ERC2: variants seen among roughly 807,000 people sequenced by gnomAD.
ERC2 encodes ERC protein 2.
A neutral mutation model predicts 114.8 loss-of-function variants in ERC2; 42 were observed. That is an observed-to-expected ratio of 0.37 (90% CI 0.29 to 0.47). The LOEUF (loss-of-function observed/expected upper bound fraction) is 0.47. Ranked by LOEUF, ERC2 falls within the 20% of genes least tolerant of loss-of-function variation. The pLI, the probability that ERC2 is intolerant of heterozygous loss-of-function variation, is 0.99. For synonymous variants in ERC2, 454 were observed against 425.5 expected (o/e 1.07, Z -0.82); for missense variants, 939 against 1,150.7 (o/e 0.82, Z 2.66).
At chr3:55,912,403 T>C (rs1393494969) in intron 13 of ERC2, among the ~76,000 whole-genome samples, 1 of 152,176 alleles carries the variant, frequency 6.6e-6, no homozygotes, top group Non-Finnish European at 1.5e-5. Flanking sequence ...CTGAAATAGT[T>C]TAAAAATGAA....
At chr3:56,339,508 G>A (rs1313195058) in intron 2 of ERC2, among the ~76,000 whole-genome samples, 2 of 152,098 alleles carry the variant, frequency 1.3e-5, no homozygotes, top group Non-Finnish European at 2.9e-5. Flanking sequence ...GAGCTGAGAG[G>A]CACTTAAAGG....
intron 2 of ERC2, among the ~76,000 whole-genome samples, chr3:56,325,089 T>G (rs2057296884): frequency 6.6e-6 from 1 of 151,968 alleles, no homozygotes. Flanking sequence ...CTTTAATTTG[T>G]GTGTCTATCT....
At position 55,518,133 on chromosome 3, in the gene ERC2, A is replaced by G. The variant is rs1271026778; in HGVS notation, c.*40-6857T>C. ...CCAGTCATGCAATCAAAAATGTCTC[A>G]GGACATGGCCAAATATCCCTGGGAG... On this transcript the variant is annotated intron_variant, in intron 17 of 17. Coordinates refer to ENST00000288221, the MANE Select transcript of ERC2 (RefSeq NM_015576.3). Among the ~76,000 whole-genome samples, 5 of 152,106 alleles carry G rather than the reference A, an allele frequency of 3.3e-5. No individual in the cohort carries two copies. In the South Asian group the frequency reaches 6.2e-4, roughly 19 times the overall value.
chr3:56,013,444 C>G (rs2073095868), intron 8 of ERC2, among the ~76,000 whole-genome samples: 1 of 152,178 alleles, frequency 6.6e-6, no homozygotes, highest in Non-Finnish European at 1.5e-5. Context: ...GCCAAAAGCA[C>G]AAAGATCTTT....
At chr3:56,120,228 G>A (rs1353655046) in intron 6 of ERC2, among the ~76,000 whole-genome samples, 1 of 152,130 alleles carries the variant, frequency 6.6e-6, no homozygotes, top group Non-Finnish European at 1.5e-5. Context: ...GGTTCCTAAG[G>A]GGAAGCATCA....
intron 2 of ERC2, among the ~76,000 whole-genome samples, chr3:56,396,969 C>A (rs773558018): frequency 6.6e-6 from 1 of 152,128 alleles, no homozygotes; most frequent in African/African-American, 2.4e-5. Flanking sequence ...TACCTCAAGC[C>A]ACTGAAGAGT....
chr3:56,066,681 T>G (rs2076498534), intron 7 of ERC2, among the ~76,000 whole-genome samples: 1 of 152,216 alleles, frequency 6.6e-6, no homozygotes, highest in South Asian at 2.1e-4. Context: ...GTTTTTATGG[T>G]TTGGGGTTTT....
chr3:55,645,121 C>T (rs17055610), intron 17 of ERC2, among the ~76,000 whole-genome samples: 15,296 of 152,094 alleles, frequency 0.1, 1,129 homozygotes, highest in African/African-American at 0.2. Context: ...GGGACTTTAT[C>T]TTTAAAAATG....
In ERC2 at chr3:55,927,057, G is replaced by C. The variant is rs112224187; in HGVS notation, c.2403+23368C>G. Among the ~76,000 whole-genome samples, 48 of 152,194 alleles carry C rather than the reference G, an allele frequency of 3.2e-4. 1 individual carries two copies. Among genetic ancestry groups the C allele is most frequent in the African/African-American group, 1.1e-3 (44 of 41,526 alleles). ...TGGAGGGCAAATCAGTTCTAAGTTG[G>C]ACCCCTGTCCATTCTGTTTTTGCTA... On this transcript the variant is annotated intron_variant, in intron 13 of 17. Transcript: ENST00000288221.
intron 5 of ERC2, among the ~76,000 whole-genome samples, chr3:56,145,754 T>G (rs2081102370): frequency 1.3e-5 from 2 of 152,230 alleles, no homozygotes; most frequent in South Asian, 4.1e-4. Flanking sequence ...ATCATGGTTT[T>G]TCTATGATGT....
intron 2 of ERC2, among the ~76,000 whole-genome samples, chr3:56,342,839 A>G (rs2058143170): frequency 6.6e-6 from 1 of 152,188 alleles, no homozygotes. Flanking sequence ...CTGAGAAATG[A>G]TGGTCTGTGG....
chr3:55,562,384 C>G (rs2056084697), intron 17 of ERC2, among the ~76,000 whole-genome samples: 1 of 152,104 alleles, frequency 6.6e-6, no homozygotes, highest in Non-Finnish European at 1.5e-5. Flanking sequence ...AACCCCTGAT[C>G]TCAGGTGTTC....
At chr3:55,709,003 AG>A (rs1419380544) in intron 15 of ERC2, among the ~76,000 whole-genome samples, 3 of 152,236 alleles carry the variant, frequency 2.0e-5, no homozygotes, top group Non-Finnish European at 4.4e-5. Flanking sequence ...TGACAAGTGA[AG>A]ACAACATTTT....
At chr3:56,051,656 T>C (rs997691418) in intron 7 of ERC2, among the ~76,000 whole-genome samples, 1 of 151,970 alleles carries the variant, frequency 6.6e-6, no homozygotes, top group South Asian at 2.1e-4. Flanking sequence ...AGCTACCCCA[T>C]CTCTACTTAA....
chr3:56,182,795 G>A (rs1318013204), intron 3 of ERC2, among the ~76,000 whole-genome samples: 1 of 152,076 alleles, frequency 6.6e-6, no homozygotes, highest in African/African-American at 2.4e-5. Context: ...TTTCATTATA[G>A]GCACTTCCCT....
intron 17 of ERC2, among the ~76,000 whole-genome samples, chr3:55,533,096 T>G (rs1476681684): frequency 6.6e-6 from 1 of 152,220 alleles, no homozygotes; most frequent in Non-Finnish European, 1.5e-5. Context: ...GACCACAGGG[T>G]AAGGCCTCAT....
At chr3:55,695,946 G>A (rs2062905351) in intron 16 of ERC2, among the ~76,000 whole-genome samples, 1 of 152,150 alleles carries the variant, frequency 6.6e-6, no homozygotes, top group Admixed American at 6.5e-5. Flanking sequence ...ATTGCCCCAG[G>A]ACGCTCGAAG....
At chr3:56,235,028 T>C (rs1251689784) in intron 3 of ERC2, among the ~76,000 whole-genome samples, 1 of 152,208 alleles carries the variant, frequency 6.6e-6, no homozygotes, top group Non-Finnish European at 1.5e-5. Flanking sequence ...CATTTTTCCC[T>C]ATAGCCTTGA....
At chr3:55,811,215 A>G (rs954659530) in intron 14 of ERC2, among the ~76,000 whole-genome samples, 4 of 152,210 alleles carry the variant, frequency 2.6e-5, no homozygotes, top group African/African-American at 9.6e-5. Context: ...CAGATTCTAG[A>G]TCAAGTCAGT....
Sources: gnomAD v4.1 joint callset for allele counts (sites outside exome capture counted in the v4.1 genomes callset) on GRCh38, gnomAD v4.1.1 for gene constraint, MANE v1.5 for transcripts, NCBI Gene and HGNC (gene_info 2026-07-23, HGNC 2026-07-21) for gene names.